The following REN variants were observed in gnomAD, a reference collection of about 807,000 sequenced individuals.
The protein encoded by REN is angiotensin-forming enzyme.
A neutral mutation model predicts 48.6 loss-of-function variants in REN; 42 were observed. The ratio of observed to expected loss-of-function variants is 0.86; its 90% CI spans 0.68 to 1.12. The LOEUF (loss-of-function observed/expected upper bound fraction) is 1.12. REN is among the 50% of genes most tolerant of loss of function. REN has a pLI of 0.00. For missense variants in REN, 443 were observed against 527.3 expected (o/e 0.84, Z 1.57); for synonymous variants, 196 against 204.6 (o/e 0.96, Z 0.36).
rs777266114 is a variant in REN, at chr1:204,157,351, G to T, written c.698+10C>A. ...AAGGTCACAGCCATGTGGGGGTTTT[G>T]TCTCCTTACTCGGAATCTCTGCAGA... On this transcript the variant is annotated intron_variant, in intron 6 of 9. Transcript: ENST00000272190. 5 of 1,614,116 alleles carry T rather than the reference G, an allele frequency of 3.1e-6. No homozygotes were observed. Among genetic ancestry groups the T allele is most frequent in the Non-Finnish European group, 4.2e-6 (5 of 1,180,050 alleles).
chr1:204,164,655 C>G (rs528955341), intron 1 of REN, among the ~76,000 whole-genome samples: 1 of 150,050 alleles, frequency 6.7e-6, no homozygotes, highest in East Asian at 2.0e-4. Flanking sequence ...ACTGCAGCCT[C>G]CACCTCCCAG....
rs1414560493 is a variant in REN, at chr1:204,161,407, G to A, written c.258C>T (p.Tyr86=). ...VILTNYMDTQ[Y]YGEIGIGTPP... The stretch of plus-strand genomic sequence containing the variant: ...GGGTGCCGATGCCAATCTCGCCATA[G>A]TACTGGGTCTGTGGGGGTAAAAAGA... Residue 86 remains tyrosine, a synonymous_variant, in exon 3 of 10, where the codon TAC becomes TAT. Coordinates refer to ENST00000272190, the MANE Select transcript of REN (RefSeq NM_000537.4). The A allele has an allele frequency of 3.2e-6, 5 of 1,577,524 alleles. No individual in the cohort carries two copies. Among genetic ancestry groups the A allele is most frequent in the Non-Finnish European group, 4.3e-6 (5 of 1,159,008 alleles).
rs138382938 is a variant in REN, at chr1:204,160,363, G to T, written c.492+197C>A. Among the ~76,000 whole-genome samples the T allele has an allele frequency of 2.0e-5, 3 of 152,218 alleles. No homozygotes were observed. The South Asian group carries it at 6.2e-4, about 32-fold the overall frequency. On this transcript the variant is annotated intron_variant, in intron 4 of 9. Coordinates refer to ENST00000272190, the MANE Select transcript of REN (RefSeq NM_000537.4). ...CCACAAACCACCCAACGGTGAGCCC[G>T]TAGCCCAGGCTTGCTCCCCCATAGG...
At position 204,156,785 on chromosome 1, in the gene REN, G is replaced by T. The variant is rs140771210; in HGVS notation, c.710C>A (p.Ser237Ter). Reference protein sequence around the residue: ...YYNRDSENSQSLGGQIVLGGS... With the variant: ...YYNRDSENSQ ...TCCCAGCACAATCTGTCCTCCCAGC[G>T]ATTGGGAATTCCTAAAGGAAAGATC... The change falls in exon 7 of 10, where the codon TCG becomes TAG. Residue 237 changes from serine (S) to a stop codon, truncating the protein, a stop_gained. Transcript: ENST00000272190. LOFTEE classifies it high-confidence loss of function. This position sits in a 1 kb window ranked among gnomAD's most constrained non-coding sequence, Gnocchi z 4.2. The T allele has an allele frequency of 5.0e-6, 8 of 1,613,916 alleles. No homozygotes were observed. The Admixed American group carries it at 1.3e-4, about 27-fold the overall frequency.
At chr1:204,155,978 G>T in intron 8 of REN, 60 bp from the exon 9 acceptor site, 1 of 1,484,758 alleles carries the variant, frequency 6.7e-7, no homozygotes, top group Non-Finnish European at 9.4e-7. Flanking sequence ...CAGACAAGGA[G>T]TCCTGCGCTG....
At position 204,158,877 on chromosome 1, in the gene REN, C is replaced by A. The variant is rs577842828; in HGVS notation, c.689+522G>T. ...TCACTGCTGCACCCCCAGAGCCTACCACAGTGCTTGGCACATAGCATTTAC... is the reference window on the plus strand; with the variant it reads ...TCACTGCTGCACCCCCAGAGCCTACAACAGTGCTTGGCACATAGCATTTAC... On this transcript the variant is annotated intron_variant, in intron 5 of 9. Transcript: ENST00000272190. Among the ~76,000 whole-genome samples, 10 of 152,290 alleles carry A rather than the reference C, an allele frequency of 6.6e-5. No homozygotes were observed. In the East Asian group the frequency reaches 1.2e-3, roughly 18 times the overall value.
chr1:204,162,625 C>T (rs1469113551), intron 1 of REN, among the ~76,000 whole-genome samples: 2 of 152,208 alleles, frequency 1.3e-5, no homozygotes, highest in African/African-American at 4.8e-5. Flanking sequence ...GGGAGTGCCC[C>T]TGTCAAAACT....
chr1:204,155,136 G>A lies in REN; in HGVS notation c.1101C>T (p.His367=), dbSNP rs372780064. The A allele has an allele frequency of 1.4e-4, 226 of 1,614,236 alleles. No individual in the cohort carries two copies. The highest frequency in any genetic ancestry group is 1.7e-4 in the Non-Finnish European group (204 of 1,180,040). ...SSKKLCTLAI[H]AMDIPPPTGP... ...CAGTGGGTGGCGGGATATCCATGGC[G>A]TGGATGGCCAGTGTGCACAGCTTTT... The change falls in exon 10 of 10, where the codon CAC becomes CAT. Residue 367 remains histidine, a synonymous_variant. Transcript: ENST00000272190.
intron 1 of REN, among the ~76,000 whole-genome samples, chr1:204,164,073 T>C (rs1160592146): frequency 1.3e-5 from 2 of 152,226 alleles, no homozygotes; most frequent in African/African-American, 4.8e-5. Context: ...TAATACTGTT[T>C]CAAAAGCTGG....
In REN at chr1:204,157,372, G is replaced by A. The variant is rs765669132; in HGVS notation, c.690-3C>T. 1.2e-6 allele frequency: 2 copies of A among 1,614,242 alleles called. No homozygotes were observed. The highest frequency in any genetic ancestry group is 2.2e-5 in the South Asian group (2 of 91,086). On this transcript the variant is annotated splice_polypyrimidine_tract_variant and splice_region_variant and intron_variant, in intron 5 of 9. Coordinates refer to ENST00000272190, the MANE Select transcript of REN (RefSeq NM_000537.4). ...TTTTGTCTCCTTACTCGGAATCTCT[G>A]CAGAGAAAGAGAGACAGCAGAAAGG...
At chr1:204,162,230 G>A (rs191754047) in intron 1 of REN, 67 bp from the exon 2 acceptor site, 13 of 1,571,772 alleles carry the variant, frequency 8.3e-6, no homozygotes, top group Admixed American at 6.9e-5. Context: ...TGGAGTCCCT[G>A]AGGCCAAACC....
intron 1 of REN, among the ~76,000 whole-genome samples, chr1:204,162,772 T>C (rs1019463447): frequency 6.6e-6 from 1 of 152,222 alleles, no homozygotes; most frequent in Admixed American, 6.5e-5. Context: ...TGAGCTGGGT[T>C]GGGCCTAGAG....
intron 5 of REN, among the ~76,000 whole-genome samples, chr1:204,158,411 C>CTTTTTTTTT (rs576572389): frequency 5.1e-5 from 5 of 97,224 alleles, no homozygotes; most frequent in Non-Finnish European, 7.6e-5. Context: ...ACCCTTGTGA[C>CTTTTTTTTT]TTTTTTTTTT....
rs868694193 is a variant in REN at position 204,161,355 on chromosome 1, C to T, written c.310G>A (p.Asp104Asn). ...TPPQTFKVVF[D>N]TGSSNVWVPS... The stretch of plus-strand genomic sequence containing the variant: ...ACCCAAACATTGGACGAACCAGTGT[C>T]AAAGACGACTTTGAAGGTCTGGGGT... The change falls in exon 3 of 10, where the codon GAC becomes AAC. Residue 104 changes from aspartate (D) to asparagine (N), a missense_variant. Asp to Asn is a conservative substitution (Grantham distance 23). Coordinates refer to ENST00000272190, the MANE Select transcript of REN (RefSeq NM_000537.4). 9 of 1,608,442 alleles carry T rather than the reference C, an allele frequency of 5.6e-6. No individual in the cohort carries two copies. Among genetic ancestry groups the T allele is most frequent in the Non-Finnish European group, 7.6e-6 (9 of 1,177,548 alleles).
rs1486914083 is a variant in REN at position 204,156,036 on chromosome 1, C to T, written c.961-118G>A. 6.9e-7 allele frequency: 1 copy of T among 1,458,366 alleles called. No individual in the cohort carries two copies. Among genetic ancestry groups the T allele is most frequent in the Non-Finnish European group, 9.6e-7 (1 of 1,041,494 alleles). 90.3% of individuals were successfully genotyped at this position (1,458,366 alleles called of 1,614,324 possible). On this transcript the variant is annotated intron_variant, in intron 8 of 9. Transcript: ENST00000272190. The surrounding 1 kb of genome is among the most constrained non-coding windows in gnomAD (Gnocchi z 4.2). The stretch of plus-strand genomic sequence containing the variant: ...GAGGGCTGGGGACAGTGCCCCGCCC[C>T]ATGGGTGACCAGCCACATGTGTGGA...
intron 2 of REN, among the ~76,000 whole-genome samples, 183 bp downstream of exon 2, chr1:204,161,830 C>T (rs1658251123): frequency 6.6e-6 from 1 of 152,112 alleles, no homozygotes; most frequent in Non-Finnish European, 1.5e-5. Flanking sequence ...CCCCTGGATG[C>T]CTTCCTGTCT....
chr1:204,159,120 T>A (rs945753473), intron 5 of REN, among the ~76,000 whole-genome samples: 2 of 152,232 alleles, frequency 1.3e-5, no homozygotes, highest in African/African-American at 4.8e-5. Flanking sequence ...ATCTGCACTG[T>A]CATAAGACTG....
chr1:204,162,409 T>C (rs1269207611), intron 1 of REN, among the ~76,000 whole-genome samples: 1 of 152,242 alleles, frequency 6.6e-6, no homozygotes, highest in Non-Finnish European at 1.5e-5. Context: ...TTCTGTTGCC[T>C]AATTTTGATT....
chr1:204,156,696 A>G lies in REN; in HGVS notation c.799T>C (p.Trp267Arg). 6.2e-7 allele frequency: 1 copy of G among 1,608,332 alleles called. No homozygotes were observed. The highest frequency in any genetic ancestry group is 8.5e-7 in the Non-Finnish European group (1 of 1,176,822). ...HYINLIKTGV[W>R]QIQMKGVSVG... is the part of the protein sequence containing the mutation. The stretch of plus-strand genomic sequence containing the variant: ...TCTGACCCCTTCATTTGAATCTGCC[A>G]GACACCAGTCTTGATGAGGTTGATA... Residue 267 changes from tryptophan to arginine, a missense_variant, in exon 7 of 10, where the codon TGG (tryptophan) becomes CGG (arginine). Coordinates refer to ENST00000272190, the MANE Select transcript of REN (RefSeq NM_000537.4). This position sits in a 1 kb window ranked among gnomAD's most constrained non-coding sequence, Gnocchi z 4.2.
Sources: allele counts gnomAD v4.1 joint callset (sites outside exome capture counted in the v4.1 genomes callset), GRCh38; gene constraint gnomAD v4.1.1; non-coding constraint Gnocchi (gnomAD v3.1); transcripts MANE v1.5; gene names NCBI Gene and HGNC (gene_info 2026-07-23, HGNC 2026-07-21).